EYA4: variants seen among roughly 807,000 people sequenced by gnomAD.
EYA4 encodes protein phosphatase EYA4.
Under a neutral mutation model 87.9 loss-of-function variants are expected in EYA4, and 31 were observed. The observed-to-expected ratio is 0.35, with a 90% CI of 0.27 to 0.48. EYA4 has a LOEUF of 0.48. EYA4 is among the 20% of genes least tolerant of loss of function. EYA4 has a pLI of 0.99. For synonymous variants in EYA4, 263 were observed against 270.6 expected, an observed-to-expected ratio of 0.97 and a Z score of 0.28; for missense variants, 678 against 761.4, an observed-to-expected ratio of 0.89 and a Z score of 1.29.
rs1562368948 is a variant in EYA4, at chr6:133,394,282, G to GTATTTTTTTTTTTTTTTTTTTTT, written c.83+11842_83+11843insATTTTTTTTTTTTTTTTTTTTTT. Among the ~76,000 whole-genome samples the GTATTTTTTTTTTTTTTTTTTTTT allele has an allele frequency of 6.5e-5, 7 of 107,846 alleles. 3 individuals carry two copies. The highest frequency in any genetic ancestry group is 1.0e-4 in the Admixed American group (1 of 9,750). The allele number at this position is 107,846 out of a possible 152,430, so 70.8% of individuals were successfully genotyped here. ...GTTGGAAAAATGTATATATAAGCTT[G>GTATTTTTTTTTTTTTTTTTTTTT]TGTTTTTTTTTTTTTTTTTTTTTTT... On this transcript the variant is annotated intron_variant, in intron 3 of 19. Transcript: ENST00000355286.
chr6:133,310,499 T>G (rs1040899909), intron 2 of EYA4, among the ~76,000 whole-genome samples: 26 of 152,174 alleles, frequency 1.7e-4, no homozygotes, highest in African/African-American at 5.1e-4. Flanking sequence ...CTTTGGTGAG[T>G]GAATTATTAA....
chr6:133,341,505 C>G (rs969983831), intron 2 of EYA4, among the ~76,000 whole-genome samples: 1 of 152,124 alleles, frequency 6.6e-6, no homozygotes, highest in Admixed American at 6.6e-5. Flanking sequence ...ATGAAATCCA[C>G]TATAACATTA....
chr6:133,505,069 C>T (rs1798476110), intron 13 of EYA4, among the ~76,000 whole-genome samples: 1 of 152,170 alleles, frequency 6.6e-6, no homozygotes, highest in Non-Finnish European at 1.5e-5. Flanking sequence ...TGCTAACACC[C>T]ATCTGGTCTC....
At chr6:133,272,706 A>C (rs945528464) in intron 1 of EYA4, among the ~76,000 whole-genome samples, 9 of 152,144 alleles carry the variant, frequency 5.9e-5, no homozygotes, top group African/African-American at 2.2e-4. Context: ...TGCTACTGGC[A>C]CCTCAAGCAC....
At chr6:133,301,041 A>G (rs1201622201) in intron 2 of EYA4, among the ~76,000 whole-genome samples, 1 of 152,192 alleles carries the variant, frequency 6.6e-6, no homozygotes, top group African/African-American at 2.4e-5. Flanking sequence ...TTTTCGTATC[A>G]TGTGTTTCAT....
At chr6:133,443,627 CCTT>C (rs148893898) in intron 3 of EYA4, among the ~76,000 whole-genome samples, 11 of 152,120 alleles carry the variant, frequency 7.2e-5, no homozygotes, top group Non-Finnish European at 1.3e-4. Context: ...GATTTTAAAT[CCTT>C]CTTCTTTTCT....
chr6:133,241,975 T>C (rs949032405), intron 1 of EYA4, among the ~76,000 whole-genome samples: 5 of 152,240 alleles, frequency 3.3e-5, no homozygotes, highest in African/African-American at 1.2e-4. Flanking sequence ...ACCGCAGCGG[T>C]GCTCTCTGCC....
chr6:133,299,453 T>C (rs1779193094), intron 2 of EYA4, among the ~76,000 whole-genome samples: 1 of 152,058 alleles, frequency 6.6e-6, no homozygotes, highest in South Asian at 2.1e-4. Context: ...CGGCTGGGCC[T>C]GTGATCCCAG....
intron 10 of EYA4, among the ~76,000 whole-genome samples, chr6:133,465,256 A>G (rs965589385): frequency 1.3e-5 from 2 of 152,214 alleles, no homozygotes; most frequent in Non-Finnish European, 2.9e-5. Flanking sequence ...ATAGGATTAT[A>G]CTACAGACTA....
chr6:133,482,167 A>G (rs934825750), intron 12 of EYA4, among the ~76,000 whole-genome samples: 1 of 152,262 alleles, frequency 6.6e-6, no homozygotes, highest in African/African-American at 2.4e-5. Context: ...AGTAGAAACT[A>G]TTCTTAACCA....
chr6:133,446,296 TTTG>T (rs1395856969), intron 3 of EYA4, among the ~76,000 whole-genome samples: 4 of 152,196 alleles, frequency 2.6e-5, no homozygotes, highest in Admixed American at 2.0e-4. Context: ...AGGATTATTT[TTTG>T]TTATTTTTAT....
chr6:133,447,394 T>C (rs970855120), intron 4 of EYA4, among the ~76,000 whole-genome samples: 3 of 152,196 alleles, frequency 2.0e-5, no homozygotes, highest in African/African-American at 7.2e-5. Context: ...TAAAATGTAT[T>C]CAACTTGTCA....
At position 133,468,720 on chromosome 6, in the gene EYA4, C is replaced by T; in HGVS notation, c.959C>T (p.Thr320Ile). The T allele has an allele frequency of 8.1e-6, 13 of 1,613,008 alleles. No individual in the cohort carries two copies. The highest frequency in any genetic ancestry group is 1.0e-5 in the Non-Finnish European group (12 of 1,179,216). The change falls in exon 11 of 20, where the codon ACT (threonine) becomes ATT (isoleucine). Residue 320 changes from threonine (T) to isoleucine (I), a missense_variant. Coordinates refer to ENST00000355286, the MANE Select transcript of EYA4 (RefSeq NM_004100.5). The part of the protein sequence containing the change: ...YQLQESLPGL[T>I]NQPGEFDTMQ... ...TTGCAGGAATCTCTCCCAGGACTGA[C>T]TAACCAACCAGGTACAGATCTTCAC...
chr6:133,255,544 CATTCTT>C lies in EYA4; in HGVS notation c.-66+13801_-66+13806del, dbSNP rs1034540113. ...ATTTAAAGTAAAAAGTGGATTTACTCATTCTTATTCTCTGCAAATCAGGATAAGTTG... is the reference window on the plus strand; with the variant it reads ...ATTTAAAGTAAAAAGTGGATTTACTCATTCTCTGCAAATCAGGATAAGTTG... On this transcript the variant is annotated intron_variant, in intron 1 of 19. Transcript: ENST00000355286. Among the ~76,000 whole-genome samples the C allele has an allele frequency of 4.6e-5, 7 of 152,080 alleles. No individual in the cohort carries two copies. The East Asian group carries it at 1.2e-3, about 25-fold the overall frequency.
In EYA4 at chr6:133,428,911, CTTTTTTTTTTTTT is replaced by C. The variant is rs58727159; in HGVS notation, c.84-17700_84-17688del. Among the ~76,000 whole-genome samples, 100 of 48,230 alleles carry C rather than the reference CTTTTTTTTTTTTT, an allele frequency of 2.1e-3. 1 individual carries two copies. The highest frequency in any genetic ancestry group is 0.014 in the South Asian group (9 of 662). The allele number at this position is 48,230 out of a possible 152,430, so 31.6% of individuals were successfully genotyped here. On this transcript the variant is annotated intron_variant, in intron 3 of 19. Transcript: ENST00000355286. ...CTGGGGCTGAGGGTAGATTTAGCTT[CTTTTTTTTTTTTT>C]TTTTTTTTTTTTTTTTTTGTGAAAT...
chr6:133,244,805 A>G (rs1774273181), intron 1 of EYA4, among the ~76,000 whole-genome samples: 1 of 152,104 alleles, frequency 6.6e-6, no homozygotes, highest in African/African-American at 2.4e-5. Context: ...ATATATTTAT[A>G]TGGCTTGATA....
rs1278438356 is a variant in EYA4 at position 133,530,363 on chromosome 6, T to C, written c.*1558T>C. ...TTTTTTTCCTTGTGTGTAGCCCATG[T>C]TGGGAACACGATACAGGTTCTCCTC... On this transcript the variant is annotated 3_prime_UTR_variant, in exon 20 of 20. Coordinates refer to ENST00000355286, the MANE Select transcript of EYA4 (RefSeq NM_004100.5). 4.1e-6 allele frequency: 4 copies of C among 985,334 alleles called. No individual in the cohort carries two copies. The highest frequency in any genetic ancestry group is 4.8e-6 in the Non-Finnish European group (4 of 829,938). 61.0% of individuals were successfully genotyped at this position (985,334 alleles called of 1,614,324 possible).
chr6:133,408,957 T>G (rs1444174327), intron 3 of EYA4, among the ~76,000 whole-genome samples: 1 of 152,204 alleles, frequency 6.6e-6, no homozygotes, highest in Non-Finnish European at 1.5e-5. Context: ...AGAGTTCACC[T>G]TCCACTCACT....
chr6:133,521,895 C>T (rs1157065403), intron 17 of EYA4, among the ~76,000 whole-genome samples: 14 of 142,064 alleles, frequency 9.9e-5, no homozygotes, highest in African/African-American at 3.4e-4. Flanking sequence ...TATTCTCACT[C>T]ATAGGTGGAA....
Sources: gnomAD v4.1 joint callset for allele counts (sites outside exome capture counted in the v4.1 genomes callset) on GRCh38, gnomAD v4.1.1 for gene constraint, MANE v1.5 for transcripts, NCBI Gene and HGNC (gene_info 2026-07-23, HGNC 2026-07-21) for gene names.